PYGB: variants seen among roughly 807,000 people sequenced by gnomAD.
PYGB encodes glycogen phosphorylase, brain form.
Under a neutral mutation model 94.3 loss-of-function variants are expected in PYGB, and 82 were observed. The observed-to-expected ratio is 0.87, with a 90% CI of 0.73 to 1.04. PYGB has a LOEUF of 1.04. Among genes scored for constraint, PYGB ranks in the 50% least tolerant of loss-of-function variants. The pLI is 0.00. For missense variants in PYGB, 1,132 were observed against 1,158.2 expected (o/e 0.98, Z 0.33); for synonymous variants, 488 against 479.1 (o/e 1.02, Z -0.24).
intron 2 of PYGB, among the ~76,000 whole-genome samples, chr20:25,268,296 C>T (rs2088237303): frequency 6.6e-6 from 1 of 151,600 alleles, no homozygotes; most frequent in Non-Finnish European, 1.5e-5. Flanking sequence ...ATTCAGTTGA[C>T]TTAGTGTATA....
chr20:25,292,802 G>A (rs2088481795), intron 17 of PYGB, among the ~76,000 whole-genome samples, 189 bp downstream of exon 17: 1 of 152,250 alleles, frequency 6.6e-6, no homozygotes, highest in Admixed American at 6.5e-5. Context: ...CGGGGTCCGG[G>A]CTGCGGGCGA....
chr20:25,249,711 T>C (rs2092882083), intron 1 of PYGB, among the ~76,000 whole-genome samples: 1 of 152,216 alleles, frequency 6.6e-6, no homozygotes, highest in Admixed American at 6.5e-5. Context: ...ATATTTGGTA[T>C]GCAAAACATA....
rs528523905 is a variant in PYGB at position 25,264,348 on chromosome 20, C to G, written c.346-4781C>G. The stretch of plus-strand genomic sequence containing the variant: ...GTGAATGGGCAAAAACTGCAAGCAT[C>G]CCCTTTGAAAACTGGCAGAAGACGG... On this transcript the variant is annotated intron_variant, in intron 2 of 19. Transcript: ENST00000216962. Among the ~76,000 whole-genome samples, 240 of 152,250 alleles carry G rather than the reference C, an allele frequency of 1.6e-3. 1 individual carries two copies. Among genetic ancestry groups the G allele is most frequent in the African/African-American group, 5.4e-3 (226 of 41,554 alleles).
At position 25,292,574 on chromosome 20, in the gene PYGB, G is replaced by C; in HGVS notation, c.2138G>C (p.Gly713Ala). ...GGGGCCGAGAACCTCTTCATCTTCG[G>C]CCTGCGGGTGGAGGATGTCGAGGCC... ...EAGAENLFIFGLRVEDVEALD... is the reference protein window; with the variant it reads ...EAGAENLFIFALRVEDVEALD... Residue 713 changes from glycine to alanine, a missense_variant, in exon 17 of 20, where the codon GGC becomes GCC. By Grantham distance (60) the Gly-to-Ala change is moderately conservative. Coordinates refer to ENST00000216962, the MANE Select transcript of PYGB (RefSeq NM_002862.4). The C allele has an allele frequency of 6.2e-7, 1 of 1,613,000 alleles. No individual in the cohort carries two copies. Among genetic ancestry groups the C allele is most frequent in the Non-Finnish European group, 8.5e-7 (1 of 1,180,002 alleles).
Position 25,296,404 on chromosome 20 carries a change from A to G in PYGB, c.2414A>G (p.Asn805Ser), listed in dbSNP as rs763452962. ...PKEWTKKVIR[N>S]IACSGKFSSD... ...GAGTGGACCAAGAAGGTCATCAGGA[A>G]CATCGCCTGCTCGGGCAAGTTCTCC... The change falls in exon 20 of 20, where the codon AAC becomes AGC. Residue 805 changes from asparagine to serine, a missense_variant. Physicochemically the swap from Asn to Ser is conservative, Grantham distance 46 (BLOSUM62 1). Coordinates refer to ENST00000216962, the MANE Select transcript of PYGB (RefSeq NM_002862.4). 1.2e-6 allele frequency: 2 copies of G among 1,614,072 alleles called. No individual in the cohort carries two copies. The highest frequency in any genetic ancestry group is 3.3e-5 in the Admixed American group (2 of 60,028).
chr20:25,262,115 GGAAATACA>G (rs1281649170), intron 2 of PYGB, among the ~76,000 whole-genome samples: 1 of 152,106 alleles, frequency 6.6e-6, no homozygotes, highest in Admixed American at 6.5e-5. Context: ...CTCAAATACA[GGAAATACA>G]GAAAACGCCA....
intron 12 of PYGB, among the ~76,000 whole-genome samples, chr20:25,282,751 T>A (rs2088380098): frequency 6.6e-6 from 1 of 151,788 alleles, no homozygotes; most frequent in African/African-American, 2.4e-5. Flanking sequence ...CTGGGTACAG[T>A]GAGGAGAGGT....
rs2092917561 is a variant in PYGB, at chr20:25,263,239, A to G, written c.345+3901A>G. Among the ~76,000 whole-genome samples the G allele has an allele frequency of 4.6e-5, 7 of 152,250 alleles. No individual in the cohort carries two copies. The South Asian group carries it at 1.2e-3, about 27-fold the overall frequency. ...AAGTAAAGCACTCCTCAGCAAATGT[A>G]AAAGAACAGAAATTATAACAAACTG... On this transcript the variant is annotated intron_variant, in intron 2 of 19. Coordinates refer to ENST00000216962, the MANE Select transcript of PYGB (RefSeq NM_002862.4).
rs202212340 is a variant in PYGB, at chr20:25,284,211, G to A, written c.1728G>A (p.Arg576=). 8.7e-6 allele frequency: 14 copies of A among 1,613,998 alleles called. No individual in the cohort carries two copies. The highest frequency in any genetic ancestry group is 1.2e-5 in the Non-Finnish European group (14 of 1,179,940). The change falls in exon 14 of 20, where the codon CGG becomes CGA. Residue 576 remains arginine (R), a synonymous_variant. Coordinates refer to ENST00000216962, the MANE Select transcript of PYGB (RefSeq NM_002862.4). ...VHVKRIHEYK[R]QLLNCLHVVT... ...TGAAGAGGATCCACGAGTACAAGCGGCAGCTGCTCAACTGCCTGCACGTCG... is the reference window on the plus strand; with the variant it reads ...TGAAGAGGATCCACGAGTACAAGCGACAGCTGCTCAACTGCCTGCACGTCG...
chr20:25,278,679 GA>G (rs972542438), intron 8 of PYGB, among the ~76,000 whole-genome samples: 2 of 152,204 alleles, frequency 1.3e-5, no homozygotes, highest in African/African-American at 4.8e-5. Flanking sequence ...GGGACATGGT[GA>G]AAGGCTCCTG....
intron 4 of PYGB, among the ~76,000 whole-genome samples, chr20:25,272,114 T>G (rs2088273235): frequency 6.6e-6 from 1 of 152,190 alleles, no homozygotes; most frequent in South Asian, 2.1e-4. Flanking sequence ...TCCTCCTCCC[T>G]GGCGAGCAGC....
In PYGB at chr20:25,277,096, G is replaced by A. The variant is rs945261032; in HGVS notation, c.773-148G>A. ...GCAGGAGGGATCACGTTTACCTCCA[G>A]GGATGGGGGTGAGGGGAAGTAATGC... On this transcript the variant is annotated intron_variant, in intron 6 of 19. Transcript: ENST00000216962. 22 of 663,682 alleles carry A rather than the reference G, an allele frequency of 3.3e-5. No individual in the cohort carries two copies. In the African/African-American group the frequency reaches 3.6e-4, roughly 11 times the overall value. The allele number at this position is 663,682 out of a possible 1,614,324, so 41.1% of individuals were successfully genotyped here. A position where few individuals can be genotyped will look rare whatever the true frequency, so the allele number is the denominator to read the frequency against.
intron 1 of PYGB, among the ~76,000 whole-genome samples, chr20:25,249,238 T>C (rs2092880641): frequency 6.6e-6 from 1 of 152,226 alleles, no homozygotes; most frequent in Non-Finnish European, 1.5e-5. Context: ...ACATACAGTT[T>C]TTTAGATTTT....
chr20:25,290,789 G>A (rs1253596482), intron 16 of PYGB, among the ~76,000 whole-genome samples, 167 bp downstream of exon 16: 2 of 152,142 alleles, frequency 1.3e-5, no homozygotes, highest in Non-Finnish European at 2.9e-5. Context: ...AGTGCTCCCC[G>A]TGCAGTGCGG....
chr20:25,263,555 G>A (rs1034596198), intron 2 of PYGB, among the ~76,000 whole-genome samples: 1 of 152,150 alleles, frequency 6.6e-6, no homozygotes, highest in Non-Finnish European at 1.5e-5. Context: ...AAGAGGAAAA[G>A]AGAGAAGAAT....
At position 25,294,116 on chromosome 20, in the gene PYGB, C is replaced by A. The variant is rs769452888; in HGVS notation, c.2178-42C>A. On this transcript the variant is annotated intron_variant, in intron 17 of 19. Coordinates refer to ENST00000216962, the MANE Select transcript of PYGB (RefSeq NM_002862.4). ...ATGGCTTGTTCTCCAAGGTGGCCCA[C>A]CTGGGGCGCTGGCTGCTGACTCCTG... 20 of 1,605,468 alleles carry A rather than the reference C, an allele frequency of 1.2e-5. No homozygotes were observed. In the Middle Eastern group the frequency reaches 5.0e-4, roughly 40 times the overall value.
rs200732247 is a variant in PYGB, at chr20:25,276,776, G to A, written c.772+19G>A. On this transcript the variant is annotated intron_variant, in intron 6 of 19. Transcript: ENST00000216962. ...CAGGACTGTACGTTCCGTGGTTCTT[G>A]GCACCCTTGTGTCCATGTGGGTGGC... is the stretch of plus-strand genomic sequence containing the variant. 107 of 1,596,430 alleles carry A rather than the reference G, an allele frequency of 6.7e-5. No individual in the cohort carries two copies. The highest frequency in any genetic ancestry group is 8.9e-5 in the Non-Finnish European group (104 of 1,173,090).
chr20:25,269,049 A>C, intron 2 of PYGB, 80 bp from the exon 3 acceptor site: 7 of 1,231,340 alleles, frequency 5.7e-6, no homozygotes, highest in Non-Finnish European at 8.4e-6. Flanking sequence ...TAAGCTCACA[A>C]GACTTACACA....
intron 4 of PYGB, among the ~76,000 whole-genome samples, chr20:25,274,003 G>A (rs375013731): frequency 2.6e-5 from 4 of 152,174 alleles, no homozygotes; most frequent in Non-Finnish European, 5.9e-5. Context: ...GTGAGCCTCC[G>A]CCTGGCCAGT....
Sources: gnomAD v4.1 joint callset for allele counts (sites outside exome capture counted in the v4.1 genomes callset) on GRCh38, gnomAD v4.1.1 for gene constraint, MANE v1.5 for transcripts, NCBI Gene and HGNC (gene_info 2026-07-23, HGNC 2026-07-21) for gene names.